The following PIWIL2 variants were observed in gnomAD, a reference collection of about 807,000 sequenced individuals.
PIWIL2 encodes the protein piwi-like protein 2.
A neutral mutation model predicts 116.5 loss-of-function variants in PIWIL2; 81 were observed. That is an observed-to-expected ratio of 0.70 (90% CI 0.58 to 0.84). The LOEUF (loss-of-function observed/expected upper bound fraction) is 0.84. Ranked by LOEUF, PIWIL2 falls within the 40% of genes least tolerant of loss-of-function variation. PIWIL2 has a pLI of 0.00. For synonymous variants in PIWIL2, 489 were observed against 429.5 expected (o/e 1.14, Z -1.71); for missense variants, 1,272 against 1,212.3 (o/e 1.05, Z -0.73).
intron 9 of PIWIL2, 66 bp from the exon 10 acceptor site, chr8:22,290,167 A>G (rs1296157386): frequency 4.3e-6 from 4 of 940,874 alleles, no homozygotes; most frequent in Non-Finnish European, 6.8e-6. Context: ...TGTTTTGTTC[A>G]CATGGGGGCA....
Position 22,354,379 on chromosome 8 carries a change from G to A in PIWIL2, c.2765+1G>A. 1 of 1,585,656 alleles carries A rather than the reference G, an allele frequency of 6.3e-7. No individual in the cohort carries two copies. Among genetic ancestry groups the A allele is most frequent in the Non-Finnish European group, 8.7e-7 (1 of 1,154,042 alleles). On this transcript the variant is annotated splice_donor_variant, in intron 22 of 22. Transcript: ENST00000356766. LOFTEE classifies it high-confidence loss of function. ...ACCTGAGCCCTGATCATATGCAGAG[G>A]TGGGCCCATCAGTAACTTACTCTTT...
At chr8:22,324,311 C>A (rs1241309617) in intron 20 of PIWIL2, among the ~76,000 whole-genome samples, 1 of 152,064 alleles carries the variant, frequency 6.6e-6, no homozygotes, top group Non-Finnish European at 1.5e-5. Flanking sequence ...TTTATTCTTT[C>A]CCTAATCCTC....
chr8:22,338,691 AAAAT>A (rs71544880), intron 20 of PIWIL2, among the ~76,000 whole-genome samples: 63,740 of 149,934 alleles, frequency 0.43, 14,980 homozygotes, highest in East Asian at 0.8. Flanking sequence ...CTCCATCTCA[AAAAT>A]AAATAAATAA....
chr8:22,281,269 A>G lies in PIWIL2; in HGVS notation c.286+62A>G, dbSNP rs947070922. Reference sequence around the variant, plus strand: ...GTATGATTGGTTTCTTCTAAAATCCAAATGGTTTATTTTCAGAAACGTAAC... The same window carrying G: ...GTATGATTGGTTTCTTCTAAAATCCGAATGGTTTATTTTCAGAAACGTAAC... On this transcript the variant is annotated intron_variant, in intron 3 of 22. Coordinates refer to ENST00000356766, the MANE Select transcript of PIWIL2 (RefSeq NM_018068.5). 4 of 1,549,704 alleles carry G rather than the reference A, an allele frequency of 2.6e-6. No individual in the cohort carries two copies. In the African/African-American group the frequency reaches 5.6e-5, roughly 22 times the overall value.
At chr8:22,291,692 G>A (rs965363715) in intron 10 of PIWIL2, among the ~76,000 whole-genome samples, 2 of 151,872 alleles carry the variant, frequency 1.3e-5, no homozygotes, top group African/African-American at 4.8e-5. Context: ...GGTGTTATCG[G>A]GCTTGTAAAT....
Position 22,287,646 on chromosome 8 carries a change from G to A in PIWIL2, c.861+1G>A. ...CTATCTGCCTGTTAAGCTTCAACAA[G>A]TGAGACCAAACAGGAAATGGACTTT... On this transcript the variant is annotated splice_donor_variant, in intron 7 of 22. Coordinates refer to ENST00000356766, the MANE Select transcript of PIWIL2 (RefSeq NM_018068.5). LOFTEE classifies it high-confidence loss of function. The A allele has an allele frequency of 6.4e-7, 1 of 1,554,308 alleles. No individual in the cohort carries two copies. Among genetic ancestry groups the A allele is most frequent in the Non-Finnish European group, 8.9e-7 (1 of 1,125,288 alleles).
chr8:22,343,078 C>A (rs942888386), intron 20 of PIWIL2, among the ~76,000 whole-genome samples: 27 of 151,728 alleles, frequency 1.8e-4, no homozygotes, highest in African/African-American at 6.5e-4. Context: ...ACCAGCCTGA[C>A]CAATGTGGTG....
intron 20 of PIWIL2, among the ~76,000 whole-genome samples, chr8:22,348,426 T>C (rs982308314): frequency 3.3e-5 from 5 of 152,048 alleles, no homozygotes; most frequent in Non-Finnish European, 7.3e-5. Context: ...CAGATATTTT[T>C]TGCCTAACTG....
intron 20 of PIWIL2, among the ~76,000 whole-genome samples, chr8:22,351,436 C>CACAGCCA (rs1832351009): frequency 2.2e-5 from 1 of 46,270 alleles, no homozygotes; most frequent in Non-Finnish European, 4.5e-5. Context: ...ACAGTGCATA[C>CACAGCCA]ATACATATAT....
At chr8:22,336,121 A>T (rs1831976417) in intron 20 of PIWIL2, among the ~76,000 whole-genome samples, 1 of 152,336 alleles carries the variant, frequency 6.6e-6, no homozygotes, top group South Asian at 2.1e-4. Flanking sequence ...GAAATGGAAG[A>T]TTTGCACAAC....
chr8:22,324,661 A>G (rs535701296), intron 20 of PIWIL2, among the ~76,000 whole-genome samples: 1 of 152,208 alleles, frequency 6.6e-6, no homozygotes, highest in Non-Finnish European at 1.5e-5. Flanking sequence ...TTGTGCTCCC[A>G]AGAAGATGAA....
chr8:22,290,613 AT>A (rs34573190), intron 10 of PIWIL2, among the ~76,000 whole-genome samples: 6,253 of 113,940 alleles, frequency 0.055, 124 homozygotes, highest in Admixed American at 0.084. Flanking sequence ...CCAATTTTTA[AT>A]TTTTTTTTTT....
chr8:22,320,483 A>C (rs1831572752), intron 20 of PIWIL2, among the ~76,000 whole-genome samples: 1 of 150,470 alleles, frequency 6.6e-6, no homozygotes, highest in Non-Finnish European at 1.5e-5. Context: ...TGTTGGCCAG[A>C]CTGGGCTGGT....
chr8:22,322,434 A>G (rs752158110), intron 20 of PIWIL2, among the ~76,000 whole-genome samples: 1 of 151,996 alleles, frequency 6.6e-6, no homozygotes, highest in Non-Finnish European at 1.5e-5. Flanking sequence ...TATTTTTTGT[A>G]GAGACAGAGG....
In PIWIL2 at chr8:22,281,572, G is replaced by A. The variant is rs1830503632; in HGVS notation, c.425+57G>A. 4 of 1,370,508 alleles carry A rather than the reference G, an allele frequency of 2.9e-6. No homozygotes were observed. The South Asian group carries it at 4.4e-5, about 15-fold the overall frequency. The allele number at this position is 1,370,508 out of a possible 1,614,324, so 84.9% of individuals were successfully genotyped here. ...AAATTCAGATGGAATATCTCTGTAAGTTCAGAGAGCAACTCTAAGAAGAGT... is the reference window on the plus strand; with the variant it reads ...AAATTCAGATGGAATATCTCTGTAAATTCAGAGAGCAACTCTAAGAAGAGT... On this transcript the variant is annotated intron_variant, in intron 4 of 22. Coordinates refer to ENST00000356766, the MANE Select transcript of PIWIL2 (RefSeq NM_018068.5).
At chr8:22,330,081 A>T (rs768392051) in intron 20 of PIWIL2, among the ~76,000 whole-genome samples, 2 of 152,102 alleles carry the variant, frequency 1.3e-5, no homozygotes, top group Non-Finnish European at 2.9e-5. Flanking sequence ...TATTTATATG[A>T]TGGTGTGTTT....
At position 22,281,052 on chromosome 8, in the gene PIWIL2, A is replaced by T; in HGVS notation, c.199-68A>T. On this transcript the variant is annotated intron_variant, in intron 2 of 22. Coordinates refer to ENST00000356766, the MANE Select transcript of PIWIL2 (RefSeq NM_018068.5). ...GAAGATGATTTTATTATATACCAAG[A>T]CTAAGAAAGCCCTTGTTTCTGGGGT... 2 of 865,292 alleles carry T rather than the reference A, an allele frequency of 2.3e-6. 1 individual carries two copies. Among genetic ancestry groups the T allele is most frequent in the South Asian group, 3.1e-5 (2 of 64,090 alleles). 53.6% of individuals were successfully genotyped at this position (865,292 alleles called of 1,614,324 possible).
intron 1 of PIWIL2, 49 bp from the exon 2 acceptor site, chr8:22,279,292 A>C: frequency 9.9e-7 from 1 of 1,008,152 alleles, no homozygotes; most frequent in Non-Finnish European, 1.6e-6. Context: ...TGTGTCTTGA[A>C]GGAAAAGGAA....
intron 18 of PIWIL2, among the ~76,000 whole-genome samples, chr8:22,315,488 T>A (rs1011516656): frequency 6.8e-6 from 1 of 147,340 alleles, no homozygotes; most frequent in African/African-American, 2.7e-5. Context: ...AGCTAATTTT[T>A]GTATTTTTAG....
Sources: gnomAD v4.1 joint callset for allele counts (sites outside exome capture counted in the v4.1 genomes callset) on GRCh38, gnomAD v4.1.1 for gene constraint, MANE v1.5 for transcripts, NCBI Gene and HGNC (gene_info 2026-07-23, HGNC 2026-07-21) for gene names.